SCP2: variants seen among roughly 807,000 people sequenced by gnomAD.
SCP2 encodes SCP-2/3-oxoacyl-CoA thiolase.
A neutral mutation model predicts 71.4 loss-of-function variants in SCP2; 48 were observed. That is an observed-to-expected ratio of 0.67 (90% CI 0.53 to 0.86). SCP2 has a LOEUF of 0.86. Ranked by LOEUF, SCP2 falls within the 40% of genes least tolerant of loss-of-function variation. SCP2 has a pLI of 0.00. For synonymous variants in SCP2, 220 were observed against 218.1 expected, an observed-to-expected ratio of 1.01 and a Z score of -0.08; for missense variants, 560 against 655.6, an observed-to-expected ratio of 0.85 and a Z score of 1.59.
At chr1:53,040,893 G>C (rs898848267) in intron 14 of SCP2, among the ~76,000 whole-genome samples, 1 of 152,088 alleles carries the variant, frequency 6.6e-6, no homozygotes, top group South Asian at 2.1e-4. Flanking sequence ...CTTTTTGTCT[G>C]AGGTACACTG....
chr1:52,941,031 G>A (rs573843280), intron 1 of SCP2, among the ~76,000 whole-genome samples: 45 of 152,264 alleles, frequency 3.0e-4, no homozygotes, highest in Admixed American at 5.2e-4. Context: ...TTACAGGCGG[G>A]AGCCACCACA....
At chr1:53,035,955 G>A (rs1662900162) in intron 13 of SCP2, among the ~76,000 whole-genome samples, 1 of 148,126 alleles carries the variant, frequency 6.8e-6, no homozygotes, top group Non-Finnish European at 1.5e-5. Flanking sequence ...GGGAGGCGGA[G>A]CTTGCAGTGA....
intron 13 of SCP2, among the ~76,000 whole-genome samples, chr1:53,032,747 A>G (rs924546185): frequency 5.9e-5 from 9 of 152,224 alleles, no homozygotes; most frequent in African/African-American, 2.2e-4. Flanking sequence ...TGGATATGTT[A>G]GTGTTAGATG....
rs1655810849 is a variant in SCP2, at chr1:52,956,574, G to C, written c.396+1770G>C. 2.6e-5 allele frequency among the ~76,000 whole-genome samples: 4 copies of C among 152,108 alleles called. No homozygotes were observed. In the South Asian group the frequency reaches 6.2e-4, roughly 24 times the overall value. Reference sequence around the variant, plus strand: ...TGGATCTTAAAGATAATTTAGGAGTGGGTAAGGGGAAATGAGCTCTTCCTA... The same window carrying C: ...TGGATCTTAAAGATAATTTAGGAGTCGGTAAGGGGAAATGAGCTCTTCCTA... On this transcript the variant is annotated intron_variant, in intron 5 of 15. Transcript: ENST00000371514.
chr1:52,977,328 T>C (rs569492278), intron 8 of SCP2, among the ~76,000 whole-genome samples: 3 of 152,328 alleles, frequency 2.0e-5, no homozygotes, highest in Admixed American at 6.5e-5. Flanking sequence ...GGTCAGCTTT[T>C]ATTTGTTGTG....
chr1:52,979,077 A>G (rs1658237332), intron 9 of SCP2, among the ~76,000 whole-genome samples: 1 of 152,184 alleles, frequency 6.6e-6, no homozygotes, highest in African/African-American at 2.4e-5. Flanking sequence ...TGTTTTTGTA[A>G]CTGCCCAAGA....
intron 13 of SCP2, among the ~76,000 whole-genome samples, chr1:53,037,988 C>T (rs1291879371): frequency 4.2e-5 from 4 of 95,966 alleles, no homozygotes; most frequent in Non-Finnish European, 7.7e-5. Context: ...CACACACACA[C>T]ATTCAATTAA....
chr1:53,009,103 A>AC (rs1212620111), intron 11 of SCP2, among the ~76,000 whole-genome samples: 2 of 152,190 alleles, frequency 1.3e-5, no homozygotes, highest in Non-Finnish European at 2.9e-5. Context: ...AGAACTACAA[A>AC]CCACTGCTCA....
At chr1:53,037,533 C>T (rs115897474) in intron 13 of SCP2, among the ~76,000 whole-genome samples, 1,625 of 151,994 alleles carry the variant, frequency 0.011, 18 homozygotes, top group African/African-American at 0.037. Flanking sequence ...AAAAAGAGGA[C>T]GGGAGGGAGA....
intron 13 of SCP2, among the ~76,000 whole-genome samples, chr1:53,036,290 T>C (rs1374610135): frequency 6.7e-6 from 1 of 149,384 alleles, no homozygotes; most frequent in Admixed American, 6.7e-5. Flanking sequence ...TACTATATTT[T>C]ATTTAATCAA....
In SCP2 at chr1:53,013,882, C is replaced by CTTTTTTTT. The variant is rs71044449; in HGVS notation, c.1082-984_1082-977dup. Among the ~76,000 whole-genome samples the CTTTTTTTT allele has an allele frequency of 2.2e-4, 14 of 63,056 alleles. 1 individual carries two copies. The highest frequency in any genetic ancestry group is 1.9e-3 in the East Asian group (3 of 1,568). The allele number at this position is 63,056 out of a possible 152,430, so 41.4% of individuals were successfully genotyped here. On this transcript the variant is annotated intron_variant, in intron 11 of 15. Transcript: ENST00000371514. ...GACCAGTCTGCCCTGATAGAACATT[C>CTTTTTTTT]TTTTTTTTTTTTTTTTTTTTTTTTT...
At chr1:52,942,714 T>G in intron 2 of SCP2, among the ~76,000 whole-genome samples, 1 of 146,496 alleles carries the variant, frequency 6.8e-6, no homozygotes, top group East Asian at 1.9e-4. Context: ...TTTTTTTTTT[T>G]TGAGATGGAG....
intron 11 of SCP2, among the ~76,000 whole-genome samples, chr1:53,005,372 G>T (rs1392251273): frequency 1.3e-5 from 2 of 152,230 alleles, no homozygotes; most frequent in Non-Finnish European, 2.9e-5. Context: ...ACACCTCCCA[G>T]TAGGGGCTGA....
chr1:52,972,265 A>C (rs971329969), intron 6 of SCP2, among the ~76,000 whole-genome samples: 10 of 152,246 alleles, frequency 6.6e-5, no homozygotes, highest in African/African-American at 2.2e-4. Context: ...ATAGTTTGAC[A>C]TAAAGGCATA....
chr1:52,998,255 A>G (rs965275245), intron 11 of SCP2, among the ~76,000 whole-genome samples: 4 of 152,176 alleles, frequency 2.6e-5, no homozygotes, highest in Admixed American at 6.5e-5. Flanking sequence ...TCTTGGGTTG[A>G]TAACCTGGAG....
At chr1:53,012,940 A>G (rs1661075709) in intron 11 of SCP2, among the ~76,000 whole-genome samples, 1 of 152,000 alleles carries the variant, frequency 6.6e-6, no homozygotes, top group East Asian at 1.9e-4. Context: ...GACCAGTTTG[A>G]ATATTTTTTG....
chr1:52,943,803 G>A, intron 2 of SCP2: 1 of 455,540 alleles, frequency 2.2e-6, no homozygotes, highest in Non-Finnish European at 4.4e-6. Context: ...ACAGTACCAG[G>A]CCTGTAATGA....
intron 11 of SCP2, among the ~76,000 whole-genome samples, chr1:53,011,349 T>C (rs533849994): frequency 6.6e-6 from 1 of 152,348 alleles, no homozygotes; most frequent in East Asian, 1.9e-4. Flanking sequence ...AGCTTTTCCA[T>C]TCTGTGTCTA....
At chr1:52,983,450 G>A (rs1658703442) in intron 10 of SCP2, among the ~76,000 whole-genome samples, 1 of 152,050 alleles carries the variant, frequency 6.6e-6, no homozygotes. Flanking sequence ...TTCCAATGAT[G>A]CATATATTAG....
Sources: gnomAD v4.1 joint callset for allele counts (sites outside exome capture counted in the v4.1 genomes callset) on GRCh38, gnomAD v4.1.1 for gene constraint, MANE v1.5 for transcripts, NCBI Gene and HGNC (gene_info 2026-07-23, HGNC 2026-07-21) for gene names.